Variants in BZW2 observed in about 807,000 individuals in gnomAD.
BZW2 encodes the protein eIF5-mimic protein 1.
BZW2 carries 23 observed loss-of-function variants against 53.2 expected under a neutral mutation model. The ratio of observed to expected loss-of-function variants is 0.43; its 90% confidence interval spans 0.31 to 0.61. The LOEUF (loss-of-function observed/expected upper bound fraction) is 0.61, where lower values mean the gene tolerates loss of function less well. BZW2 is among the 20% of genes least tolerant of loss of function. The pLI is 0.09. For missense variants in BZW2, 409 were observed against 503.1 expected, an observed-to-expected ratio of 0.81 and a Z score of 1.79; for synonymous variants, 227 against 186.4, an observed-to-expected ratio of 1.22 and a Z score of -1.77.
intron 1 of BZW2, among the ~76,000 whole-genome samples, chr7:16,659,407 T>C (rs1782196099): frequency 6.6e-6 from 1 of 152,174 alleles, no homozygotes; most frequent in African/African-American, 2.4e-5. Flanking sequence ...ACAAATTGTA[T>C]AGTGTTATTA....
chr7:16,665,625 T>C, intron 2 of BZW2, 124 bp downstream of exon 2: 1 of 1,481,138 alleles, frequency 6.8e-7, no homozygotes, highest in East Asian at 2.5e-5. Flanking sequence ...GCTCTGAGTG[T>C]AGAATCTGAA....
chr7:16,676,968 T>C (rs564318788), intron 3 of BZW2, among the ~76,000 whole-genome samples: 1 of 152,052 alleles, frequency 6.6e-6, no homozygotes, highest in South Asian at 2.1e-4. Context: ...CCTCCCCATA[T>C]AAAATTATCT....
chr7:16,658,801 G>T (rs1291418653), intron 1 of BZW2, among the ~76,000 whole-genome samples: 2 of 151,538 alleles, frequency 1.3e-5, no homozygotes, highest in African/African-American at 4.9e-5. Context: ...CTTGAACCCA[G>T]GAGGTGGAGG....
intron 4 of BZW2, 94 bp downstream of exon 4, chr7:16,681,498 TAGAA>T (rs1273195945): frequency 1.3e-5 from 13 of 1,019,900 alleles, no homozygotes; most frequent in Non-Finnish European, 1.9e-5. Context: ...ATAGGAATCT[TAGAA>T]AGCCTTTAAA....
At chr7:16,665,360 A>G (rs1392481486) in intron 1 of BZW2, 77 bp from the exon 2 acceptor site, 4 of 1,566,662 alleles carry the variant, frequency 2.6e-6, no homozygotes, top group Middle Eastern at 1.7e-4. Context: ...CATATGTTCA[A>G]CCAAACTTAT....
chr7:16,672,283 C>T (rs761660934), intron 2 of BZW2, among the ~76,000 whole-genome samples: 15 of 152,120 alleles, frequency 9.9e-5, no homozygotes, highest in Middle Eastern at 6.8e-3. Context: ...TCTGTCTATT[C>T]GATGTATTTT....
chr7:16,686,124 T>C, intron 6 of BZW2, 84 bp downstream of exon 6: 1 of 1,546,426 alleles, frequency 6.5e-7, no homozygotes, highest in African/African-American at 1.4e-5. Context: ...CAGTGGCTCT[T>C]TTTGGTGTCC....
chr7:16,655,973 T>G (rs1226475399), intron 1 of BZW2, among the ~76,000 whole-genome samples: 1 of 151,738 alleles, frequency 6.6e-6, no homozygotes, highest in African/African-American at 2.4e-5. Flanking sequence ...AATAAGATAC[T>G]TTTCTTACAG....
At chr7:16,674,294 G>A in intron 2 of BZW2, 118 bp from the exon 3 acceptor site, 1 of 675,388 alleles carries the variant, frequency 1.5e-6, no homozygotes, top group Non-Finnish European at 2.3e-6. Context: ...ACATTCTTTG[G>A]CGATGCTCTG....
At chr7:16,660,721 T>G (rs971741064) in intron 1 of BZW2, among the ~76,000 whole-genome samples, 1 of 152,156 alleles carries the variant, frequency 6.6e-6, no homozygotes, top group Non-Finnish European at 1.5e-5. Context: ...CATTTATTTG[T>G]CTAGTCACTA....
At chr7:16,702,095 A>G (rs1783685105) in intron 10 of BZW2, among the ~76,000 whole-genome samples, 2 of 152,140 alleles carry the variant, frequency 1.3e-5, no homozygotes, top group African/African-American at 4.8e-5. Context: ...CTGTTATTCT[A>G]TATTCCTAAT....
At chr7:16,647,157 C>T (rs1203785660) in intron 1 of BZW2, among the ~76,000 whole-genome samples, 1 of 152,108 alleles carries the variant, frequency 6.6e-6, no homozygotes. Context: ...GGGAATCAGT[C>T]ATTTCTCCAG....
chr7:16,697,176 AACTCCTGG>A, intron 9 of BZW2, 115 bp downstream of exon 9: 1 of 1,273,926 alleles, frequency 7.8e-7, no homozygotes, highest in Non-Finnish European at 1.1e-6. Flanking sequence ...TGCAACTTTG[AACTCCTGG>A]GCTCAAGCCA....
At chr7:16,695,065 G>A in intron 8 of BZW2, 61 bp downstream of exon 8, 1 of 1,419,380 alleles carries the variant, frequency 7.0e-7, no homozygotes, top group South Asian at 1.7e-5. Context: ...TACATGGGCT[G>A]TGTAGCAAAG....
At chr7:16,692,375 C>T (rs1166861049) in intron 7 of BZW2, among the ~76,000 whole-genome samples, 2 of 152,132 alleles carry the variant, frequency 1.3e-5, no homozygotes, top group Non-Finnish European at 1.5e-5. Context: ...AGGAACCAAA[C>T]CAACAGACCC....
intron 7 of BZW2, among the ~76,000 whole-genome samples, chr7:16,692,373 A>T (rs960638265): frequency 1.3e-5 from 2 of 152,222 alleles, no homozygotes; most frequent in African/African-American, 4.8e-5. Context: ...AAAGGAACCA[A>T]ACCAACAGAC....
At chr7:16,652,675 C>T (rs1782015871) in intron 1 of BZW2, among the ~76,000 whole-genome samples, 1 of 152,152 alleles carries the variant, frequency 6.6e-6, no homozygotes, top group Non-Finnish European at 1.5e-5. Flanking sequence ...CAGGCGCCTG[C>T]CACCATGCCT....
At position 16,665,725 on chromosome 7, in the gene BZW2, A is replaced by G. The variant is rs17169572; in HGVS notation, c.58+224A>G. ...TACTTGTTTTCATCTACAGAATGGGATAGATATCTCTGTTCAGGTTGTCTT... is the reference window on the plus strand; with the variant it reads ...TACTTGTTTTCATCTACAGAATGGGGTAGATATCTCTGTTCAGGTTGTCTT... On this transcript the variant is annotated intron_variant, in intron 2 of 11. Transcript: ENST00000258761. Among the ~76,000 whole-genome samples the G allele has an allele frequency of 0.031, 4,706 of 152,270 alleles. 226 individuals carry two copies. Among genetic ancestry groups the G allele is most frequent in the African/African-American group, 0.11 (4,429 of 41,526 alleles).
rs765101857 is a variant in BZW2, at chr7:16,696,925, A to T, written c.833A>T (p.Tyr278Phe). The T allele has an allele frequency of 2.5e-6, 4 of 1,613,920 alleles. No individual in the cohort carries two copies. The African/African-American group carries it at 4.0e-5, about 16-fold the overall frequency. The change falls in exon 9 of 12, where the codon TAT (tyrosine) becomes TTT (phenylalanine). Residue 278 changes from tyrosine (Y) to phenylalanine (F), a missense_variant. Tyr to Phe is a conservative substitution (Grantham distance 22, BLOSUM62 3). Transcript: ENST00000258761. Reference protein sequence around the residue: ...QECPIKEVVLYVKEEMKRNDL... With the variant: ...QECPIKEVVLFVKEEMKRNDL... The stretch of plus-strand genomic sequence containing the variant: ...TTCCATGTAATGTAGGTGGTGCTTT[A>T]TGTCAAAGAAGAAATGAAGAGGAAT...
Sources: allele counts gnomAD v4.1 joint callset (sites outside exome capture counted in the v4.1 genomes callset), GRCh38; gene constraint gnomAD v4.1.1; transcripts MANE v1.5; gene names NCBI Gene and HGNC (gene_info 2026-07-23, HGNC 2026-07-21).